KLC1: variants seen among roughly 807,000 people sequenced by gnomAD.
KLC1 encodes kinesin light chain 1.
In KLC1, 30 loss-of-function variants were observed where a neutral mutation model predicts 84.2. That is an observed-to-expected ratio of 0.36 (90% CI 0.27 to 0.48). The LOEUF (loss-of-function observed/expected upper bound fraction) is 0.48. Ranked by LOEUF, KLC1 falls within the 20% of genes least tolerant of loss-of-function variation. The pLI is 0.99. For synonymous variants in KLC1, 289 were observed against 293.3 expected, an observed-to-expected ratio of 0.99 and a Z score of 0.15; for missense variants, 499 against 805.4, an observed-to-expected ratio of 0.62 and a Z score of 4.60.
At chr14:103,637,829 G>T (rs1223295282) in intron 1 of KLC1, among the ~76,000 whole-genome samples, 1 of 152,110 alleles carries the variant, frequency 6.6e-6, no homozygotes, top group African/African-American at 2.4e-5. Context: ...CCCTGAAGTA[G>T]CTGGGACTAC....
chr14:103,696,092 G>GCCCCCCCCCCCCCCCCCCCCCCC (rs746987341), intron 15 of KLC1: 1 of 758,922 alleles, frequency 1.3e-6, no homozygotes, highest in African/African-American at 2.8e-5. Context: ...TAATCACTGC[G>GCCCCCCCCCCCCCCCCCCCCCCC]CCCCCGCCCC....
At chr14:103,698,866 G>T in intron 15 of KLC1, 1 of 1,607,274 alleles carries the variant, frequency 6.2e-7, no homozygotes, top group Non-Finnish European at 8.5e-7. Flanking sequence ...CAGGAGGAGG[G>T]GGGCAGGTGG....
At chr14:103,659,547 TATC>T (rs1396230149) in intron 3 of KLC1, among the ~76,000 whole-genome samples, 1 of 152,188 alleles carries the variant, frequency 6.6e-6, no homozygotes, top group Non-Finnish European at 1.5e-5. Flanking sequence ...CTTCCACTAG[TATC>T]TCTTTTCTGT....
intron 5 of KLC1, among the ~76,000 whole-genome samples, chr14:103,669,186 C>T (rs539844899): frequency 2.0e-5 from 3 of 151,978 alleles, no homozygotes; most frequent in African/African-American, 7.2e-5. Context: ...CCTGTAACCC[C>T]AGCACTTTGG....
chr14:103,700,612 G>C, intron 15 of KLC1, 43 bp from the exon 16 acceptor site: 1 of 1,533,224 alleles, frequency 6.5e-7, no homozygotes, highest in Non-Finnish European at 9.0e-7. Flanking sequence ...CCTGAGGGCC[G>C]CCTGCACGCC....
At chr14:103,642,050 C>T (rs1044963353) in intron 1 of KLC1, among the ~76,000 whole-genome samples, 1 of 152,152 alleles carries the variant, frequency 6.6e-6, no homozygotes, top group Non-Finnish European at 1.5e-5. Context: ...CCTGCCTCAG[C>T]CTCCTGAGTA....
At chr14:103,668,841 G>T (rs1045106473) in intron 5 of KLC1, among the ~76,000 whole-genome samples, 1 of 151,342 alleles carries the variant, frequency 6.6e-6, no homozygotes, top group Non-Finnish European at 1.5e-5. Context: ...GCAGTGGCAC[G>T]ATCTCTGCTC....
intron 14 of KLC1, among the ~76,000 whole-genome samples, chr14:103,689,653 CA>C (rs1211409249): frequency 6.6e-6 from 1 of 152,110 alleles, no homozygotes; most frequent in African/African-American, 2.4e-5. Flanking sequence ...CACAAGTTCC[CA>C]CAGTGCTGGG....
chr14:103,653,577 T>G (rs1337707464), intron 1 of KLC1, among the ~76,000 whole-genome samples: 1 of 152,216 alleles, frequency 6.6e-6, no homozygotes, highest in Non-Finnish European at 1.5e-5. Flanking sequence ...TGCCTTGGCC[T>G]CCCAAAGTGC....
At position 103,673,109 on chromosome 14, in the gene KLC1, T is replaced by C. The variant is rs1321244230; in HGVS notation, c.1083T>C (p.Tyr361=). The change falls in exon 8 of 17, where the codon TAT becomes TAC. Residue 361 remains tyrosine, a synonymous_variant. Transcript: ENST00000334553. ...GCAAGTATGAAGAAGTAGAATATTA[T>C]TATCAAAGAGCCCTCGAGATCTACC... ...NQGKYEEVEY[Y]YQRALEIYQT... is the part of the protein sequence containing the mutation. 1 of 1,614,012 alleles carries C rather than the reference T, an allele frequency of 6.2e-7. No individual in the cohort carries two copies. The highest frequency in any genetic ancestry group is 8.5e-7 in the Non-Finnish European group (1 of 1,179,996).
At chr14:103,683,833 A>T (rs1320475300) in intron 13 of KLC1, 1 of 152,242 alleles carries the variant, frequency 6.6e-6, no homozygotes, top group Non-Finnish European at 1.5e-5. Context: ...ACCTAGGATT[A>T]TTGGGGAATG....
chr14:103,654,536 C>G (rs777450377), intron 1 of KLC1, 28 bp from the exon 2 acceptor site: 1 of 1,555,670 alleles, frequency 6.4e-7, no homozygotes, highest in Admixed American at 2.0e-5. Context: ...AATGAGGGAT[C>G]TAATTTCTTT....
intron 1 of KLC1, among the ~76,000 whole-genome samples, chr14:103,639,947 GT>G (rs1445222346): frequency 6.6e-6 from 1 of 151,566 alleles, no homozygotes; most frequent in African/African-American, 2.4e-5. Context: ...TTAGGATGGG[GT>G]TTTGCCATGT....
chr14:103,633,873 T>TA (rs1301542366), intron 1 of KLC1, among the ~76,000 whole-genome samples: 2 of 152,124 alleles, frequency 1.3e-5, no homozygotes, highest in Non-Finnish European at 2.9e-5. Context: ...ATTTTTTTTT[T>TA]ATTATTACTT....
chr14:103,632,099 A>G (rs2076731653), intron 1 of KLC1, among the ~76,000 whole-genome samples: 1 of 152,156 alleles, frequency 6.6e-6, no homozygotes, highest in Non-Finnish European at 1.5e-5. Context: ...TACCTTGATA[A>G]AAGAGCCACT....
intron 5 of KLC1, among the ~76,000 whole-genome samples, chr14:103,669,025 G>A (rs1017959261): frequency 6.6e-6 from 1 of 151,828 alleles, no homozygotes; most frequent in Non-Finnish European, 1.5e-5. Context: ...TGATCTGCCC[G>A]CCTCAGCCTC....
chr14:103,649,746 A>G (rs1201350355), intron 1 of KLC1, among the ~76,000 whole-genome samples: 1 of 148,920 alleles, frequency 6.7e-6, no homozygotes, highest in Non-Finnish European at 1.5e-5. Context: ...CCCAGGCTGG[A>G]GTGCAGTGGC....
intron 15 of KLC1, chr14:103,699,823 C>G (rs1046690020): frequency 3.4e-5 from 19 of 558,416 alleles, no homozygotes; most frequent in Non-Finnish European, 5.5e-5. Context: ...CTGGCCCCCC[C>G]AGGCAGTCAC....
intron 15 of KLC1, chr14:103,699,366 G>A: frequency 4.4e-6 from 7 of 1,604,776 alleles, no homozygotes; most frequent in Non-Finnish European, 5.9e-6. Context: ...GTGCTCACCT[G>A]GTTGATGCAC....
Sources: allele counts gnomAD v4.1 joint callset (sites outside exome capture counted in the v4.1 genomes callset), GRCh38; gene constraint gnomAD v4.1.1; transcripts MANE v1.5; gene names NCBI Gene and HGNC (gene_info 2026-07-23, HGNC 2026-07-21).